The following ADCY2 variants were observed in gnomAD, a reference collection of about 807,000 sequenced individuals.
ADCY2 encodes adenylate cyclase type 2.
ADCY2 carries 31 observed loss-of-function variants against 125.2 expected under a neutral mutation model. The observed-to-expected ratio is 0.25, with a 90% CI of 0.19 to 0.33. The LOEUF (loss-of-function observed/expected upper bound fraction) is 0.33. Ranked by LOEUF, ADCY2 falls within the 10% of genes least tolerant of loss-of-function variation. The pLI, the probability that ADCY2 is intolerant of heterozygous loss-of-function variation, is 1.00. For missense variants in ADCY2, 904 were observed against 1,418.2 expected, an observed-to-expected ratio of 0.64 and a Z score of 5.82; for synonymous variants, 512 against 548.4, an observed-to-expected ratio of 0.93 and a Z score of 0.93.
chr5:7,657,283 G>A lies in ADCY2; in HGVS notation c.720+30967G>A, dbSNP rs184421129. 3.2e-3 allele frequency among the ~76,000 whole-genome samples: 484 copies of A among 152,332 alleles called. 6 individuals are homozygous for A. Among genetic ancestry groups the A allele is most frequent in the Admixed American group, 4.8e-3 (73 of 15,310 alleles). The stretch of plus-strand genomic sequence containing the variant: ...TCCACTGGAGGGCTGAGGAGGCAGG[G>A]TGCTGGATAGTTGAAAATCAGTGAA... On this transcript the variant is annotated intron_variant, in intron 4 of 24. Transcript: ENST00000338316.
chr5:7,731,480 T>C (rs1742103309), intron 14 of ADCY2, among the ~76,000 whole-genome samples: 1 of 152,180 alleles, frequency 6.6e-6, no homozygotes, highest in Non-Finnish European at 1.5e-5. Flanking sequence ...GGTCTTGAAC[T>C]CCTGACCTCA....
In ADCY2 at chr5:7,611,484, G is replaced by A. The variant is rs1189200320; in HGVS notation, c.571-14683G>A. Among the ~76,000 whole-genome samples the A allele has an allele frequency of 3.3e-5, 5 of 152,112 alleles. No individual in the cohort carries two copies. In the East Asian group the frequency reaches 9.7e-4, roughly 29 times the overall value. ...TTTATGCTTGATTTTTTAGTGGCAG[G>A]TTTATTATATAATATATCCACTGGA... On this transcript the variant is annotated intron_variant, in intron 3 of 24. Coordinates refer to ENST00000338316, the MANE Select transcript of ADCY2 (RefSeq NM_020546.3).
intron 2 of ADCY2, among the ~76,000 whole-genome samples, chr5:7,415,251 GAA>G (rs1739894420): frequency 6.6e-6 from 1 of 152,154 alleles, no homozygotes; most frequent in Admixed American, 6.5e-5. Flanking sequence ...AACTGGAAGT[GAA>G]ATAAGCCAGG....
At chr5:7,610,251 A>T (rs1737532228) in intron 3 of ADCY2, among the ~76,000 whole-genome samples, 1 of 152,178 alleles carries the variant, frequency 6.6e-6, no homozygotes, top group Non-Finnish European at 1.5e-5. Flanking sequence ...AGAGAAGTAG[A>T]CCTGGGCAGT....
intron 19 of ADCY2, among the ~76,000 whole-genome samples, chr5:7,789,276 C>G (rs1170660031): frequency 6.6e-6 from 1 of 152,236 alleles, no homozygotes; most frequent in African/African-American, 2.4e-5. Context: ...AATGCACTCT[C>G]TCTACAGAGG....
At chr5:7,603,183 T>G (rs1737272132) in intron 3 of ADCY2, among the ~76,000 whole-genome samples, 1 of 152,238 alleles carries the variant, frequency 6.6e-6, no homozygotes, top group East Asian at 1.9e-4. Context: ...CTGACTTCAT[T>G]CACATCTTGT....
chr5:7,576,209 G>A (rs1369447852), intron 3 of ADCY2, among the ~76,000 whole-genome samples: 2 of 152,154 alleles, frequency 1.3e-5, no homozygotes, highest in Admixed American at 6.5e-5. Context: ...GAGGCGGGTG[G>A]CAGTAACAGA....
At position 7,422,915 on chromosome 5, in the gene ADCY2, A is replaced by G. The variant is rs1422663157; in HGVS notation, c.408+8145A>G. On this transcript the variant is annotated intron_variant, in intron 2 of 24. Transcript: ENST00000338316. ...TAGTGCAGTCACTTGGAATGCGACCAAAGAATGTATTTACCACTGGAAGAA... is the reference window on the plus strand; with the variant it reads ...TAGTGCAGTCACTTGGAATGCGACCGAAGAATGTATTTACCACTGGAAGAA... Among the ~76,000 whole-genome samples the G allele has an allele frequency of 2.6e-5, 4 of 152,290 alleles. No individual in the cohort carries two copies. The East Asian group carries it at 5.8e-4, about 22-fold the overall frequency.
intron 2 of ADCY2, among the ~76,000 whole-genome samples, chr5:7,425,931 A>C (rs1380138064): frequency 6.6e-6 from 1 of 152,194 alleles, no homozygotes; most frequent in African/African-American, 2.4e-5. Flanking sequence ...TGTAGATTTT[A>C]ATTAACTCAT....
rs77897921 is a variant in ADCY2, at chr5:7,554,567, T to G, written c.570+33668T>G. ...TATATGTACTAAGCTCTTTGTAAGC[T>G]CATGAGACTGCAGATTTGATCATTT... On this transcript the variant is annotated intron_variant, in intron 3 of 24. Coordinates refer to ENST00000338316, the MANE Select transcript of ADCY2 (RefSeq NM_020546.3). 5.0e-3 allele frequency among the ~76,000 whole-genome samples: 760 copies of G among 152,326 alleles called. 8 individuals are homozygous for G. The highest frequency in any genetic ancestry group is 0.017 in the African/African-American group (722 of 41,572).
intron 2 of ADCY2, among the ~76,000 whole-genome samples, chr5:7,494,154 C>A (rs1310510725): frequency 6.6e-6 from 1 of 152,124 alleles, no homozygotes; most frequent in Non-Finnish European, 1.5e-5. Context: ...TTGCTGGCAG[C>A]CCTCAGGTGC....
chr5:7,423,368 T>G (rs1740279796), intron 2 of ADCY2, among the ~76,000 whole-genome samples: 1 of 152,200 alleles, frequency 6.6e-6, no homozygotes, highest in Admixed American at 6.5e-5. Flanking sequence ...TACCCAAATC[T>G]CATTTTGAAT....
intron 12 of ADCY2, among the ~76,000 whole-genome samples, chr5:7,720,839 T>C (rs2126385084): frequency 6.6e-6 from 1 of 152,332 alleles, no homozygotes; most frequent in South Asian, 2.1e-4. Flanking sequence ...CTATTGTGAA[T>C]AGTGCCGCAA....
chr5:7,758,122 A>G (rs563186230), intron 16 of ADCY2, among the ~76,000 whole-genome samples: 1 of 152,206 alleles, frequency 6.6e-6, no homozygotes, highest in Non-Finnish European at 1.5e-5. Context: ...AGACGTTTTC[A>G]TTGAACTCCA....
intron 2 of ADCY2, among the ~76,000 whole-genome samples, chr5:7,502,740 G>A (rs1190233867): frequency 6.6e-6 from 1 of 152,156 alleles, no homozygotes; most frequent in Non-Finnish European, 1.5e-5. Context: ...AGCTTTTCAG[G>A]AGAAGTGTGA....
At chr5:7,619,443 T>C (rs544371910) in intron 3 of ADCY2, among the ~76,000 whole-genome samples, 8 of 152,122 alleles carry the variant, frequency 5.3e-5, no homozygotes, top group African/African-American at 1.9e-4. Context: ...GGAATATGAG[T>C]TTTGGTGGTA....
intron 4 of ADCY2, among the ~76,000 whole-genome samples, chr5:7,657,643 C>T (rs529110353): frequency 6.6e-6 from 1 of 152,222 alleles, no homozygotes; most frequent in East Asian, 1.9e-4. Flanking sequence ...TAGGGGTATG[C>T]TCTTTCATTC....
At chr5:7,501,233 A>G (rs189026201) in intron 2 of ADCY2, among the ~76,000 whole-genome samples, 5 of 151,764 alleles carry the variant, frequency 3.3e-5, no homozygotes, top group Non-Finnish European at 7.4e-5. Context: ...CTATTTTTCC[A>G]TATGAAGCAA....
At chr5:7,742,602 TGA>T (rs1384604636) in intron 14 of ADCY2, among the ~76,000 whole-genome samples, 2 of 152,172 alleles carry the variant, frequency 1.3e-5, no homozygotes, top group Non-Finnish European at 2.9e-5. Flanking sequence ...AGTAGGTATC[TGA>T]GATAAAGAGT....
Sources: gnomAD v4.1 joint callset for allele counts (sites outside exome capture counted in the v4.1 genomes callset) on GRCh38, gnomAD v4.1.1 for gene constraint, MANE v1.5 for transcripts, NCBI Gene and HGNC (gene_info 2026-07-23, HGNC 2026-07-21) for gene names.